UTRN: variants seen among roughly 807,000 people sequenced by gnomAD.
UTRN encodes dystrophin-related protein 1.
Under a neutral mutation model 463.9 loss-of-function variants are expected in UTRN, and 283 were observed. The observed-to-expected ratio is 0.61, with a 90% confidence interval of 0.55 to 0.67. The LOEUF is 0.67. Among genes scored for constraint, UTRN ranks in the 30% least tolerant of loss-of-function variants. UTRN has a pLI of 0.00. For missense variants in UTRN, 3,922 were observed against 4,084.3 expected, an observed-to-expected ratio of 0.96 and a Z score of 1.08; for synonymous variants, 1,442 against 1,431.5, an observed-to-expected ratio of 1.01 and a Z score of -0.17.
intron 66 of UTRN, among the ~76,000 whole-genome samples, chr6:144,821,650 T>C (rs1779617609): frequency 6.6e-6 from 1 of 152,074 alleles, no homozygotes; most frequent in African/African-American, 2.4e-5. Flanking sequence ...ACCATGTGAT[T>C]ATAAAGCAAA....
intron 33 of UTRN, among the ~76,000 whole-genome samples, chr6:144,498,025 G>A (rs1198482466): frequency 6.6e-6 from 1 of 152,240 alleles, no homozygotes; most frequent in East Asian, 1.9e-4. Flanking sequence ...GGACACAGTT[G>A]AGTACTAGGT....
intron 51 of UTRN, among the ~76,000 whole-genome samples, chr6:144,612,036 A>G (rs1295078845): frequency 6.6e-6 from 1 of 152,174 alleles, no homozygotes; most frequent in Non-Finnish European, 1.5e-5. Context: ...ACGTTGATCC[A>G]TGGAACAAGA....
At position 144,490,921 on chromosome 6, in the gene UTRN, G is replaced by A. The variant is rs1176571624; in HGVS notation, c.4264-8G>A. The stretch of plus-strand genomic sequence containing the variant: ...ATGGGAATTGCATATTTTCATTTCT[G>A]CAAACAGAGGAAACTCCGAGAGGTG... On this transcript the variant is annotated splice_polypyrimidine_tract_variant and splice_region_variant and intron_variant, in intron 31 of 74. Coordinates refer to ENST00000367545, the MANE Select transcript of UTRN (RefSeq NM_007124.3). 2 of 1,574,956 alleles carry A rather than the reference G, an allele frequency of 1.3e-6. No homozygotes were observed. The highest frequency in any genetic ancestry group is 1.2e-5 in the South Asian group (1 of 86,046).
At chr6:144,772,472 T>C (rs1162218555) in intron 59 of UTRN, among the ~76,000 whole-genome samples, 2 of 152,192 alleles carry the variant, frequency 1.3e-5, no homozygotes, top group Non-Finnish European at 2.9e-5. Context: ...TTAGGAGAAT[T>C]GTGTGGTTTG....
chr6:144,674,307 A>G (rs1395858016), intron 51 of UTRN, among the ~76,000 whole-genome samples: 4 of 150,940 alleles, frequency 2.7e-5, no homozygotes, highest in Non-Finnish European at 5.9e-5. Context: ...GTTGTTTAAC[A>G]TAATCCTAAA....
intron 51 of UTRN, among the ~76,000 whole-genome samples, chr6:144,591,276 C>A (rs1165051701): frequency 6.6e-6 from 1 of 152,160 alleles, no homozygotes; most frequent in East Asian, 1.9e-4. Context: ...ATGCCATAAA[C>A]TCCTGCTTTC....
At chr6:144,532,665 T>G (rs939365176) in intron 42 of UTRN, among the ~76,000 whole-genome samples, 1 of 152,224 alleles carries the variant, frequency 6.6e-6, no homozygotes, top group Non-Finnish European at 1.5e-5. Context: ...TTAGGTTTAC[T>G]TGTATGTGGT....
At chr6:144,434,344 G>T (rs1458926286) in intron 9 of UTRN, among the ~76,000 whole-genome samples, 1 of 151,642 alleles carries the variant, frequency 6.6e-6, no homozygotes, top group Non-Finnish European at 1.5e-5. Context: ...AAAGAGGGGA[G>T]GGGGAGGGGG....
chr6:144,711,390 T>G (rs563718116), intron 53 of UTRN, among the ~76,000 whole-genome samples: 4 of 152,262 alleles, frequency 2.6e-5, no homozygotes, highest in African/African-American at 9.6e-5. Context: ...AGTTGAATCT[T>G]CCCATCTAAT....
intron 27 of UTRN, among the ~76,000 whole-genome samples, chr6:144,483,476 T>C (rs1386816909): frequency 6.6e-6 from 1 of 152,182 alleles, no homozygotes; most frequent in African/African-American, 2.4e-5. Flanking sequence ...AGGGTCTTGC[T>C]CTGTCACCTA....
At chr6:144,828,763 T>C in intron 68 of UTRN, 27 bp from the exon 69 acceptor site, 1 of 1,611,520 alleles carries the variant, frequency 6.2e-7, no homozygotes, top group Non-Finnish European at 8.5e-7. Flanking sequence ...GGCCATGTTG[T>C]CTAACCTCCT....
intron 2 of UTRN, among the ~76,000 whole-genome samples, chr6:144,347,839 T>TTTTTTTTTG: frequency 7.0e-6 from 1 of 143,790 alleles, no homozygotes; most frequent in African/African-American, 2.8e-5. Flanking sequence ...TATTCTTTGT[T>TTTTTTTTTG]TTTTTTTTTT....
rs1431425523 is a variant in UTRN at position 144,447,196 on chromosome 6, T to C, written c.1615-15T>C. On this transcript the variant is annotated splice_polypyrimidine_tract_variant and intron_variant, in intron 14 of 74. Coordinates refer to ENST00000367545, the MANE Select transcript of UTRN (RefSeq NM_007124.3). The stretch of plus-strand genomic sequence containing the variant: ...GATTTTGCAGATAAAGTTCAACTTT[T>C]GTTATTACTTGTAGTGCTTGTTGAA... 6.2e-7 allele frequency: 1 copy of C among 1,604,220 alleles called. No individual in the cohort carries two copies. The highest frequency in any genetic ancestry group is 8.5e-7 in the Non-Finnish European group (1 of 1,176,424).
intron 51 of UTRN, among the ~76,000 whole-genome samples, chr6:144,630,555 T>A (rs1313978383): frequency 1.3e-5 from 2 of 152,100 alleles, no homozygotes; most frequent in African/African-American, 4.8e-5. Context: ...GAGAGCAGCA[T>A]GGGAAAAACC....
intron 55 of UTRN, among the ~76,000 whole-genome samples, chr6:144,749,588 A>G (rs992334298): frequency 7.2e-5 from 11 of 152,186 alleles, no homozygotes; most frequent in Non-Finnish European, 1.6e-4. Flanking sequence ...CAGTTCTGAA[A>G]CCATTTTAAA....
intron 50 of UTRN, among the ~76,000 whole-genome samples, chr6:144,571,089 C>T (rs1240075204): frequency 6.6e-6 from 1 of 152,080 alleles, no homozygotes; most frequent in African/African-American, 2.4e-5. Context: ...TTTTTAATGA[C>T]TAAATTTTAT....
intron 35 of UTRN, among the ~76,000 whole-genome samples, chr6:144,511,494 C>G (rs1409990396): frequency 2.0e-5 from 3 of 152,196 alleles, no homozygotes; most frequent in Non-Finnish European, 4.4e-5. Flanking sequence ...AGCACAGGCT[C>G]TAGCATCTGA....
intron 3 of UTRN, among the ~76,000 whole-genome samples, chr6:144,415,821 G>A (rs866282463): frequency 3.9e-5 from 6 of 152,158 alleles, no homozygotes; most frequent in East Asian, 1.9e-4. Context: ...AGATAATGGC[G>A]GTTTGGGCTA....
chr6:144,794,554 T>C lies in UTRN; in HGVS notation c.9078+563T>C, dbSNP rs9376857. 3.3e-4 allele frequency among the ~76,000 whole-genome samples: 51 copies of C among 152,354 alleles called. No homozygotes were observed. The East Asian group carries it at 8.7e-3, about 26-fold the overall frequency. ...TTCTCATACTCAGTGCAATTATAATTACACACTGAATTATATAATTCATGG... is the reference window on the plus strand; with the variant it reads ...TTCTCATACTCAGTGCAATTATAATCACACACTGAATTATATAATTCATGG... On this transcript the variant is annotated intron_variant, in intron 63 of 74. Coordinates refer to ENST00000367545, the MANE Select transcript of UTRN (RefSeq NM_007124.3).
Sources: gnomAD v4.1 joint callset for allele counts (sites outside exome capture counted in the v4.1 genomes callset) on GRCh38, gnomAD v4.1.1 for gene constraint, MANE v1.5 for transcripts, NCBI Gene and HGNC (gene_info 2026-07-23, HGNC 2026-07-21) for gene names.